TRIOBP: variants seen among roughly 807,000 people sequenced by gnomAD.
TRIOBP encodes the protein TRIO and F-actin binding protein.
Under a neutral mutation model 238.8 loss-of-function variants are expected in TRIOBP, and 169 were observed. The ratio of observed to expected loss-of-function variants is 0.71; its 90% CI spans 0.62 to 0.80. The LOEUF is 0.80. Ranked by LOEUF, TRIOBP falls within the 30% of genes least tolerant of loss-of-function variation. The pLI is 0.00. For synonymous variants in TRIOBP, 1,150 were observed against 1,274.4 expected (o/e 0.90, Z 2.08); for missense variants, 2,838 against 3,122.6 (o/e 0.91, Z 2.17).
chr22:37,730,754 C>T (rs1325298844), intron 7 of TRIOBP, among the ~76,000 whole-genome samples: 1 of 152,004 alleles, frequency 6.6e-6, no homozygotes, highest in Non-Finnish European at 1.5e-5. Flanking sequence ...TGAGACCAGC[C>T]TGGCCAACAT....
rs754855665 is a variant in TRIOBP, at chr22:37,726,162, C to T, written c.3606C>T (p.Ser1202=). ...PGTSMESLAP[S]TDSLHGSPVL... is the part of the protein sequence containing the mutation. ...CTAGTATGGAGAGCCTGGCCCCCTCCACTGACTCTCTGCATGGCTCCCCAG... is the reference window on the plus strand; with the variant it reads ...CTAGTATGGAGAGCCTGGCCCCCTCTACTGACTCTCTGCATGGCTCCCCAG... The change falls in exon 7 of 24, where the codon TCC becomes TCT. Residue 1202 remains serine, a synonymous_variant. Transcript: ENST00000644935. The T allele has an allele frequency of 6.3e-7, 1 of 1,583,260 alleles. No homozygotes were observed. The highest frequency in any genetic ancestry group is 1.1e-5 in the South Asian group (1 of 87,788).
In TRIOBP at chr22:37,726,482, G is replaced by T; in HGVS notation, c.3926G>T (p.Arg1309Leu). The T allele has an allele frequency of 6.5e-7, 1 of 1,532,100 alleles. No homozygotes were observed. The highest frequency in any genetic ancestry group is 2.0e-5 in the Admixed American group (1 of 49,120). The allele number at this position is 1,532,100 out of a possible 1,614,324, so 94.9% of individuals were successfully genotyped here. The change falls in exon 7 of 24, where the codon CGC (arginine) becomes CTC (leucine). Residue 1309 changes from arginine (R) to leucine (L), a missense_variant. This residue lies in a region of TRIOBP where 2,096 missense variants were observed against 2,137.4 expected (regional missense o/e 0.98). Coordinates refer to ENST00000644935, the MANE Select transcript of TRIOBP (RefSeq NM_001039141.3). Reference protein sequence around the residue: ...THSPGRAEVERLFGQERRKSE... With the variant: ...THSPGRAEVELLFGQERRKSE... ...AGCCCTGGCCGTGCAGAGGTGGAGC[G>T]CCTCTTCGGGCAAGAGCGCAGGTGA...
chr22:37,710,627 AT>A (rs1923188972), intron 4 of TRIOBP, 61 bp downstream of exon 4: 1 of 1,560,666 alleles, frequency 6.4e-7, no homozygotes, highest in African/African-American at 1.4e-5. Flanking sequence ...CACCCTTCCC[AT>A]TTGCACTCCT....
chr22:37,715,811 G>A lies in TRIOBP; in HGVS notation c.505G>A (p.Glu169Lys), dbSNP rs756456229. The A allele has an allele frequency of 8.1e-6, 13 of 1,614,092 alleles. No homozygotes were observed. The highest frequency in any genetic ancestry group is 6.7e-5 in the East Asian group (3 of 44,880). Residue 169 changes from glutamate to lysine, a missense_variant, in exon 6 of 24, where the codon GAG becomes AAG. Transcript: ENST00000644935. ...RQEEEAPSWD[E>K]LAVMIPRRPR... ...GGAGGAGGAGGCCCCCAGCTGGGACGAGCTCGCAGTGATGATCCCGAGGAG... is the reference window on the plus strand; with the variant it reads ...GGAGGAGGAGGCCCCCAGCTGGGACAAGCTCGCAGTGATGATCCCGAGGAG...
rs1926007841 is a variant in TRIOBP, at chr22:37,757,717, G to C, written c.5792G>C (p.Gly1931Ala). ...QRAGSEVISR[G>A]GPRKADGQRQ... ...GCGGGCTCTGAGGTCATCAGCCGGG[G>C]TGGCCCTCGGAAGGCGGACGGGCAG... Residue 1931 changes from glycine (G) to alanine (A), a missense_variant, in exon 16 of 24, where the codon GGT becomes GCT. Coordinates refer to ENST00000644935, the MANE Select transcript of TRIOBP (RefSeq NM_001039141.3). 1 of 1,578,474 alleles carries C rather than the reference G, an allele frequency of 6.3e-7. No individual in the cohort carries two copies. Among genetic ancestry groups the C allele is most frequent in the Non-Finnish European group, 8.6e-7 (1 of 1,163,240 alleles).
At position 37,770,393 on chromosome 22, in the gene TRIOBP, T is replaced by G. The variant is rs570905312; in HGVS notation, c.6849+1018T>G. On this transcript the variant is annotated intron_variant, in intron 21 of 23. Transcript: ENST00000644935. ...TGAACCTGGGAGGCGGAGCGTGCAGTGAGCCGAGATCGTGCCACTGCACTC... is the reference window on the plus strand; with the variant it reads ...TGAACCTGGGAGGCGGAGCGTGCAGGGAGCCGAGATCGTGCCACTGCACTC... 8.8e-3 allele frequency among the ~76,000 whole-genome samples: 1,205 copies of G among 136,564 alleles called. 20 individuals carry two copies. Among genetic ancestry groups the G allele is most frequent in the African/African-American group, 0.032 (1,172 of 36,396 alleles). The allele number at this position is 136,564 out of a possible 152,430, so 89.6% of individuals were successfully genotyped here.
intron 6 of TRIOBP, among the ~76,000 whole-genome samples, chr22:37,716,638 C>T (rs570841967): frequency 5.9e-5 from 9 of 152,324 alleles, no homozygotes; most frequent in East Asian, 3.9e-4. Flanking sequence ...CCATGTTGGC[C>T]GGGCTTGTCT....
chr22:37,755,379 G>A, intron 14 of TRIOBP, 171 bp from the exon 15 acceptor site: 3 of 904,072 alleles, frequency 3.3e-6, no homozygotes, highest in South Asian at 1.4e-5. Context: ...GCTGGAGCCA[G>A]CAGGGCTCTT....
At chr22:37,710,363 G>A in intron 3 of TRIOBP, 64 bp from the exon 4 acceptor site, 1 of 1,605,076 alleles carries the variant, frequency 6.2e-7, no homozygotes, top group African/African-American at 1.3e-5. Flanking sequence ...GGGAGGGGCT[G>A]TGCAGGGGGA....
chr22:37,755,985 G>A (rs1300125683), intron 15 of TRIOBP, among the ~76,000 whole-genome samples: 4 of 152,224 alleles, frequency 2.6e-5, no homozygotes, highest in African/African-American at 9.6e-5. Context: ...GGGTGGTTAG[G>A]TAGTTCAGCC....
At position 37,775,933 on chromosome 22, in the gene TRIOBP, C is replaced by G. The variant is rs1927010816; in HGVS notation, c.*2153C>G. 1 of 152,248 alleles carries G rather than the reference C, an allele frequency of 6.6e-6. No homozygotes were observed. Among genetic ancestry groups the G allele is most frequent in the Non-Finnish European group, 1.5e-5 (1 of 68,064 alleles). 9.4% of individuals were successfully genotyped at this position (152,248 alleles called of 1,614,324 possible). On this transcript the variant is annotated 3_prime_UTR_variant, in exon 24 of 24. Coordinates refer to ENST00000644935, the MANE Select transcript of TRIOBP (RefSeq NM_001039141.3). Reference sequence around the variant, plus strand: ...ATCCTCCGGCCTTGTGCTGCCCTGTCTCGGCACTGCTTGCCTTAGGAGATC... The same window carrying G: ...ATCCTCCGGCCTTGTGCTGCCCTGTGTCGGCACTGCTTGCCTTAGGAGATC...
rs1336633195 is a variant in TRIOBP, at chr22:37,725,034, A to G, written c.2478A>G (p.Ser826=). The G allele has an allele frequency of 6.2e-7, 1 of 1,614,130 alleles. No individual in the cohort carries two copies. The highest frequency in any genetic ancestry group is 8.5e-7 in the Non-Finnish European group (1 of 1,179,976). The part of the protein sequence containing the change: ...RTCIQQNIPR[S]SSTQQDNPKT... ...GTATTCAACAGAACATCCCCAGATCATCTTCTACCCAACAAGACAACCCTA... is the reference window on the plus strand; with the variant it reads ...GTATTCAACAGAACATCCCCAGATCGTCTTCTACCCAACAAGACAACCCTA... Residue 826 remains serine (S), a synonymous_variant, in exon 7 of 24, where the codon TCA becomes TCG. Transcript: ENST00000644935.
In TRIOBP at chr22:37,701,260, T is replaced by C. The variant is rs541428725; in HGVS notation, c.-60-46T>C. 2.1e-4 allele frequency: 184 copies of C among 862,684 alleles called. 1 individual carries two copies. The African/African-American group carries it at 2.6e-3, about 12-fold the overall frequency. 53.4% of individuals were successfully genotyped at this position (862,684 alleles called of 1,614,324 possible). ...CAACTGGGGCTGGGGTTCAGGTGAGTGGCCAGCCAGTCATCTGGTCTTTGC... is the reference window on the plus strand; with the variant it reads ...CAACTGGGGCTGGGGTTCAGGTGAGCGGCCAGCCAGTCATCTGGTCTTTGC... On this transcript the variant is annotated intron_variant, in intron 2 of 23. Transcript: ENST00000644935.
At chr22:37,699,910 G>A (rs964262938) in intron 2 of TRIOBP, among the ~76,000 whole-genome samples, 2 of 151,360 alleles carry the variant, frequency 1.3e-5, no homozygotes, top group South Asian at 2.1e-4. Flanking sequence ...ATGGAGTCTC[G>A]CTCTGTTGCT....
intron 17 of TRIOBP, among the ~76,000 whole-genome samples, chr22:37,761,238 A>G (rs1277466296): frequency 6.6e-6 from 1 of 151,954 alleles, no homozygotes; most frequent in African/African-American, 2.4e-5. Flanking sequence ...CTTGAGGTCA[A>G]ATGTTCGAGG....
chr22:37,747,390 G>T lies in TRIOBP; in HGVS notation c.5323-4382G>T, dbSNP rs966334674. Among the ~76,000 whole-genome samples the T allele has an allele frequency of 5.9e-5, 9 of 152,200 alleles. No individual in the cohort carries two copies. The East Asian group carries it at 1.7e-3, about 30-fold the overall frequency. ...GCCCTCCTGGGGGAGGATGAGCAGG[G>T]TGTGTGTGTGCACAGGCGGCAGTAG... On this transcript the variant is annotated intron_variant, in intron 11 of 23. Transcript: ENST00000644935.
chr22:37,757,843 A>AGGAGCT lies in TRIOBP; in HGVS notation c.5924_5929dup (p.Leu1975_Glu1976dup). 6.4e-7 allele frequency: 1 copy of AGGAGCT among 1,550,984 alleles called. No individual in the cohort carries two copies. Among genetic ancestry groups the AGGAGCT allele is most frequent in the Non-Finnish European group, 8.7e-7 (1 of 1,147,150 alleles). On this transcript the variant is annotated inframe_insertion, in exon 16 of 24. Transcript: ENST00000644935. The stretch of plus-strand genomic sequence containing the variant: ...ACTCCTGACCGCCTGGCCAAGCAGG[A>AGGAGCT]GGAGCTGGAGCGGGACCTGGCCCAG...
chr22:37,724,793 C>T lies in TRIOBP; in HGVS notation c.2237C>T (p.Thr746Ile), dbSNP rs747371939. 1.9e-6 allele frequency: 3 copies of T among 1,612,872 alleles called. No homozygotes were observed. Among genetic ancestry groups the T allele is most frequent in the African/African-American group, 1.3e-5 (1 of 74,790 alleles). The change falls in exon 7 of 24, where the codon ACA (threonine) becomes ATA (isoleucine). Residue 746 changes from threonine (T) to isoleucine (I), a missense_variant. By Grantham distance (89) the Thr-to-Ile change is moderately conservative. This residue lies in a region of TRIOBP where 167 missense variants were observed against 200.2 expected (regional missense o/e 0.83). Coordinates refer to ENST00000644935, the MANE Select transcript of TRIOBP (RefSeq NM_001039141.3). ...NRTIQRDNPR[T>I]SCAQRDNPRA... ...ACCATCCAGCGAGACAACCCCAGAA[C>T]ATCCTGTGCCCAGCGGGACAATCCC...
chr22:37,763,439 A>G (rs1457053430), intron 17 of TRIOBP, among the ~76,000 whole-genome samples: 2 of 152,114 alleles, frequency 1.3e-5, no homozygotes, highest in Non-Finnish European at 2.9e-5. Flanking sequence ...CTGTCGCCAC[A>G]TGAAGCTCTT....
Sources: gnomAD v4.1 joint callset for allele counts (sites outside exome capture counted in the v4.1 genomes callset) on GRCh38, gnomAD v4.1.1 for gene constraint, gnomAD v4.1.1 regional missense constraint, MANE v1.5 for transcripts, NCBI Gene and HGNC (gene_info 2026-07-23, HGNC 2026-07-21) for gene names.